ARHGEF18: variants seen among roughly 807,000 people sequenced by gnomAD.
The protein encoded by ARHGEF18 is rho guanine nucleotide exchange factor 18.
In ARHGEF18, 93 loss-of-function variants were observed where a neutral mutation model predicts 155.7. That is an observed-to-expected ratio of 0.60 (90% confidence interval 0.50 to 0.71). ARHGEF18 has a LOEUF of 0.71. ARHGEF18 is among the 30% of genes least tolerant of loss of function. ARHGEF18 has a pLI of 0.00. For synonymous variants in ARHGEF18, 742 were observed against 753.1 expected (o/e 0.99, Z 0.24); for missense variants, 1,593 against 1,816.1 (o/e 0.88, Z 2.23).
At chr19:7,404,089 C>T (rs115776601) in intron 10 of ARHGEF18, among the ~76,000 whole-genome samples, 284 of 152,106 alleles carry the variant, frequency 1.9e-3, no homozygotes, top group African/African-American at 6.6e-3. Flanking sequence ...AAGAGATCCT[C>T]CTGCCTCAGC....
intron 10 of ARHGEF18, among the ~76,000 whole-genome samples, chr19:7,438,392 T>C (rs1439834296): frequency 1.3e-5 from 2 of 149,626 alleles, no homozygotes; most frequent in Non-Finnish European, 3.0e-5. Flanking sequence ...TGAGCCACCA[T>C]GTCTGGCCCA....
intron 10 of ARHGEF18, among the ~76,000 whole-genome samples, chr19:7,416,611 TTTTTTTTTTGAGACAGAGTC>T (rs1973037048): frequency 6.9e-6 from 1 of 145,942 alleles, no homozygotes; most frequent in Non-Finnish European, 1.5e-5. Flanking sequence ...TTGGGTTTTT[TTTTTTTTTTGAGACAGAGTC>T]TTGCTCTGCT....
intron 10 of ARHGEF18, among the ~76,000 whole-genome samples, chr19:7,409,216 C>T (rs868341322): frequency 1.0e-4 from 15 of 150,360 alleles, no homozygotes; most frequent in African/African-American, 3.4e-4. Context: ...CCCACCACCT[C>T]GCCCGGCTAA....
chr19:7,379,796 G>T (rs1332956997), intron 7 of ARHGEF18, among the ~76,000 whole-genome samples: 2 of 152,210 alleles, frequency 1.3e-5, no homozygotes, highest in Admixed American at 1.3e-4. Flanking sequence ...GGAGGCCAAG[G>T]TGAGAGGATC....
chr19:7,390,920 G>C (rs1022614380), intron 10 of ARHGEF18, among the ~76,000 whole-genome samples: 1 of 151,978 alleles, frequency 6.6e-6, no homozygotes, highest in Non-Finnish European at 1.5e-5. Context: ...CCTGCCTGTA[G>C]TCCCAGCTAC....
chr19:7,410,476 T>A (rs1216946567), intron 10 of ARHGEF18, among the ~76,000 whole-genome samples: 1 of 151,760 alleles, frequency 6.6e-6, no homozygotes, highest in Admixed American at 6.6e-5. Context: ...TAACTAGACC[T>A]GAATTAATGT....
At chr19:7,403,062 A>G (rs1459957444) in intron 10 of ARHGEF18, among the ~76,000 whole-genome samples, 1 of 152,172 alleles carries the variant, frequency 6.6e-6, no homozygotes. Context: ...CACCCAGGCT[A>G]GAGTACAGTG....
chr19:7,378,498 C>T (rs1187200379), intron 6 of ARHGEF18, 47 bp downstream of exon 6: 2 of 1,230,688 alleles, frequency 1.6e-6, no homozygotes, highest in East Asian at 6.3e-5. Context: ...GGGAACAGGC[C>T]ACAAAGTCAG....
chr19:7,448,731 C>T (rs951333643), intron 15 of ARHGEF18, among the ~76,000 whole-genome samples: 4 of 152,104 alleles, frequency 2.6e-5, no homozygotes, highest in Non-Finnish European at 5.9e-5. Flanking sequence ...ATGTTCGCCC[C>T]CGGAGCGTGT....
chr19:7,428,123 G>A (rs1285185458), intron 10 of ARHGEF18, among the ~76,000 whole-genome samples: 2 of 152,176 alleles, frequency 1.3e-5, no homozygotes, highest in Non-Finnish European at 2.9e-5. Flanking sequence ...CTGCGGTCAT[G>A]TTGAGAATGT....
Position 7,362,026 on chromosome 19 carries a change from AAGGAGAAGGAGAAGGAGAAGGAGAAGG to A in ARHGEF18, c.-110-752_-110-726del, listed in dbSNP as rs1969589984. 4.1e-4 allele frequency among the ~76,000 whole-genome samples: 25 copies of A among 60,268 alleles called. 1 individual carries two copies. Among genetic ancestry groups the A allele is most frequent in the African/African-American group, 1.0e-3 (8 of 7,730 alleles). The allele number at this position is 60,268 out of a possible 152,430, so 39.5% of individuals were successfully genotyped here. On this transcript the variant is annotated intron_variant, in intron 1 of 28. Coordinates refer to ENST00000668164, the MANE Select transcript of ARHGEF18 (RefSeq NM_001367823.1). ...GAAGAAGAAGAAGAAGGAGAAGGAG[AAGGAGAAGGAGAAGGAGAAGGAGAAGG>A]AGAAGGAGAAGGAGAAGGAGAAGGA... is the stretch of plus-strand genomic sequence containing the variant.
chr19:7,431,802 G>A (rs1361006863), intron 10 of ARHGEF18, among the ~76,000 whole-genome samples: 1 of 152,208 alleles, frequency 6.6e-6, no homozygotes, highest in Non-Finnish European at 1.5e-5. Context: ...CAACAAGAGC[G>A]AAACTCCAGC....
chr19:7,478,260 C>G, the ARHGEF18 span: 1 of 1,579,192 alleles, frequency 6.3e-7, no homozygotes, highest in South Asian at 1.1e-5. Context: ...GAGCCGGGAT[C>G]CCACGCCTGC....
intron 10 of ARHGEF18, among the ~76,000 whole-genome samples, chr19:7,408,581 A>G (rs552075554): frequency 6.6e-6 from 1 of 152,234 alleles, no homozygotes; most frequent in South Asian, 2.1e-4. Context: ...TGAGCTTAGC[A>G]GCTGTGTCCC....
chr19:7,356,966 G>A (rs980092568), intron 1 of ARHGEF18, among the ~76,000 whole-genome samples: 1 of 152,186 alleles, frequency 6.6e-6, no homozygotes, highest in Non-Finnish European at 1.5e-5. Context: ...GGAGTGCCAG[G>A]GGACCCAAGG....
At chr19:7,391,753 G>T (rs1375481834) in intron 10 of ARHGEF18, among the ~76,000 whole-genome samples, 2 of 151,798 alleles carry the variant, frequency 1.3e-5, no homozygotes, top group Non-Finnish European at 2.9e-5. Flanking sequence ...AGGACCAGGG[G>T]AGCCACTGGC....
chr19:7,478,380 C>G, the ARHGEF18 span: 1 of 1,608,556 alleles, frequency 6.2e-7, no homozygotes, highest in South Asian at 1.1e-5. Flanking sequence ...CAGGGACCTG[C>G]AGCACCAGAG....
In ARHGEF18 at chr19:7,397,909, T is replaced by C. The variant is rs540966855; in HGVS notation, c.967+14706T>C. Among the ~76,000 whole-genome samples, 57 of 152,180 alleles carry C rather than the reference T, an allele frequency of 3.7e-4. No homozygotes were observed. In the East Asian group the frequency reaches 8.5e-3, roughly 23 times the overall value. Reference sequence around the variant, plus strand: ...TTTTTAACTGACAGATAACAGTGTATGTATTTATCATGTGCAACGTGACAT... The same window carrying C: ...TTTTTAACTGACAGATAACAGTGTACGTATTTATCATGTGCAACGTGACAT... On this transcript the variant is annotated intron_variant, in intron 10 of 28. Transcript: ENST00000668164.
At chr19:7,452,304 T>A (rs1214797176) in intron 16 of ARHGEF18, among the ~76,000 whole-genome samples, 1 of 152,146 alleles carries the variant, frequency 6.6e-6, no homozygotes, top group Non-Finnish European at 1.5e-5. Flanking sequence ...AGCCAGGAGT[T>A]CTGGCAGCCA....
Sources: allele counts gnomAD v4.1 joint callset (sites outside exome capture counted in the v4.1 genomes callset), GRCh38; gene constraint gnomAD v4.1.1; transcripts MANE v1.5; gene names NCBI Gene and HGNC (gene_info 2026-07-23, HGNC 2026-07-21).